The following USP33 variants were observed in gnomAD, a reference collection of about 807,000 sequenced individuals.
USP33 encodes ubiquitin carboxyl-terminal hydrolase 33.
Under a neutral mutation model 124.2 loss-of-function variants are expected in USP33, and 46 were observed. The ratio of observed to expected loss-of-function variants is 0.37; its 90% CI spans 0.29 to 0.47. USP33 has a LOEUF of 0.47. USP33 is among the 20% of genes least tolerant of loss of function. USP33 has a pLI of 0.99. For missense variants in USP33, 851 were observed against 1,070.6 expected (o/e 0.79, Z 2.86); for synonymous variants, 350 against 352.3 (o/e 0.99, Z 0.07).
chr1:77,702,141 C>CAAAAAA lies in USP33; in HGVS notation c.2407-676_2407-671dup, dbSNP rs58750531. On this transcript the variant is annotated intron_variant, in intron 21 of 23. Transcript: ENST00000370794. ...TGGGTGACAGAACAAGACCCTGTCT[C>CAAAAAA]AAAAAAAAAAAAAAAAAAAAAAAAA... Among the ~76,000 whole-genome samples the CAAAAAA allele has an allele frequency of 1.3e-3, 21 of 15,782 alleles. 2 individuals carry two copies. Among genetic ancestry groups the CAAAAAA allele is most frequent in the African/African-American group, 2.1e-3 (16 of 7,804 alleles). 10.4% of individuals were successfully genotyped at this position (15,782 alleles called of 152,430 possible). A position where few individuals can be genotyped will look rare whatever the true frequency, so the allele number is the denominator to read the frequency against.
At position 77,722,355 on chromosome 1, in the gene USP33, T is replaced by C. The variant is rs1291119776; in HGVS notation, c.1390-159A>G. On this transcript the variant is annotated intron_variant, in intron 12 of 23. Coordinates refer to ENST00000370794, the MANE Select transcript of USP33 (RefSeq NM_201624.3). ...AATTGAACTGCTTTCATAGTCATAA[T>C]AGCAAAAAAAAAAACAAAAACAAAA... The C allele has an allele frequency of 4.5e-6, 3 of 661,978 alleles. No homozygotes were observed. In the South Asian group the frequency reaches 6.8e-5, roughly 15 times the overall value. The allele number at this position is 661,978 out of a possible 1,614,324, so 41.0% of individuals were successfully genotyped here.
intron 1 of USP33, among the ~76,000 whole-genome samples, chr1:77,751,930 C>T (rs747785186): frequency 1.3e-5 from 2 of 151,962 alleles, no homozygotes; most frequent in African/African-American, 2.4e-5. Context: ...CCTCGTGATC[C>T]GCCCACCTCG....
intron 12 of USP33, among the ~76,000 whole-genome samples, chr1:77,722,913 A>G (rs558458920): frequency 1.3e-5 from 2 of 152,320 alleles, no homozygotes; most frequent in East Asian, 1.9e-4. Flanking sequence ...GTCCCATCCT[A>G]AACATGGAAA....
At chr1:77,744,284 C>T (rs555039771) in intron 1 of USP33, among the ~76,000 whole-genome samples, 2 of 152,064 alleles carry the variant, frequency 1.3e-5, no homozygotes, top group African/African-American at 2.4e-5. Flanking sequence ...AAATGACAGG[C>T]ATTCTAAGAA....
intron 23 of USP33, 73 bp from the exon 24 acceptor site, chr1:77,697,547 C>T: frequency 1.4e-6 from 2 of 1,475,298 alleles, no homozygotes; most frequent in Non-Finnish European, 1.8e-6. Context: ...ATAATGTACC[C>T]CCCAGCATGA....
intron 21 of USP33, among the ~76,000 whole-genome samples, chr1:77,706,490 T>C (rs1182550947): frequency 6.6e-6 from 1 of 152,238 alleles, no homozygotes; most frequent in Admixed American, 6.5e-5. Flanking sequence ...TGGATTTAGG[T>C]CTACCTTCCT....
intron 1 of USP33, among the ~76,000 whole-genome samples, chr1:77,758,274 G>A (rs1193967448): frequency 5.7e-5 from 8 of 139,452 alleles, no homozygotes; most frequent in African/African-American, 1.9e-4. Flanking sequence ...TCTGCCTCCC[G>A]GATTCACGCC....
intron 21 of USP33, 41 bp from the exon 22 acceptor site, chr1:77,701,512 T>C (rs1674015743): frequency 1.3e-6 from 2 of 1,513,050 alleles, no homozygotes; most frequent in African/African-American, 1.4e-5. Flanking sequence ...TATCTAAAAC[T>C]TGCTTTATGG....
At chr1:77,729,667 C>A (rs1474505548) in intron 9 of USP33, among the ~76,000 whole-genome samples, 193 bp downstream of exon 9, 1 of 151,002 alleles carries the variant, frequency 6.6e-6, no homozygotes, top group African/African-American at 2.4e-5. Flanking sequence ...CAAGACTCTG[C>A]CTCAAAAAAA....
chr1:77,754,085 A>G (rs941029189), intron 1 of USP33, among the ~76,000 whole-genome samples: 1 of 152,182 alleles, frequency 6.6e-6, no homozygotes, highest in Non-Finnish European at 1.5e-5. Context: ...GTTCAAATAC[A>G]GATGAACTTT....
At chr1:77,702,357 T>C (rs1164513711) in intron 21 of USP33, among the ~76,000 whole-genome samples, 1 of 152,100 alleles carries the variant, frequency 6.6e-6, no homozygotes, top group East Asian at 1.9e-4. Context: ...CACATATTTA[T>C]TAAAAATCTA....
At chr1:77,739,928 T>C (rs1280620304) in intron 4 of USP33, among the ~76,000 whole-genome samples, 3 of 152,196 alleles carry the variant, frequency 2.0e-5, no homozygotes, top group Admixed American at 6.5e-5. Flanking sequence ...ATTCTCCCAA[T>C]GGTGGTACAC....
chr1:77,747,727 G>A (rs1251299979), intron 1 of USP33, among the ~76,000 whole-genome samples: 1 of 152,130 alleles, frequency 6.6e-6, no homozygotes, highest in Admixed American at 6.6e-5. Context: ...ACCCTAGCTT[G>A]TATAACTAAA....
At chr1:77,721,714 G>T in intron 14 of USP33, 117 bp downstream of exon 14, 1 of 863,014 alleles carries the variant, frequency 1.2e-6, no homozygotes, top group Non-Finnish European at 1.8e-6. Context: ...GCCAATATGT[G>T]AATGTACTAT....
chr1:77,699,026 G>A (rs886272145), intron 22 of USP33, among the ~76,000 whole-genome samples: 1 of 151,978 alleles, frequency 6.6e-6, no homozygotes, highest in African/African-American at 2.4e-5. Flanking sequence ...ATCAAAAGTT[G>A]TAAAAGCAAC....
Position 77,711,868 on chromosome 1 carries a change from A to G in USP33, c.2298-13T>C, listed in dbSNP as rs753813067. 6.3e-7 allele frequency: 1 copy of G among 1,583,982 alleles called. No homozygotes were observed. Among genetic ancestry groups the G allele is most frequent in the South Asian group, 1.2e-5 (1 of 83,292 alleles). ...TCCTCCACCATACCTAAAGCATGAA[A>G]AATTTAAGAATTAATGTTCTAGGAA... On this transcript the variant is annotated splice_polypyrimidine_tract_variant and intron_variant, in intron 20 of 23. Coordinates refer to ENST00000370794, the MANE Select transcript of USP33 (RefSeq NM_201624.3).
At chr1:77,725,524 C>A in intron 11 of USP33, 98 bp downstream of exon 11, 1 of 1,441,400 alleles carries the variant, frequency 6.9e-7, no homozygotes, top group South Asian at 1.4e-5. Context: ...AAGATCAAAT[C>A]ATATTTCATA....
chr1:77,739,469 G>A (rs755532478), intron 4 of USP33, 52 bp from the exon 5 acceptor site: 1 of 1,487,622 alleles, frequency 6.7e-7, no homozygotes, highest in South Asian at 1.4e-5. Context: ...ACATATACTT[G>A]AAAAGACTTC....
chr1:77,739,036 C>G (rs1284047561), intron 5 of USP33, among the ~76,000 whole-genome samples: 1 of 152,040 alleles, frequency 6.6e-6, no homozygotes, highest in Non-Finnish European at 1.5e-5. Flanking sequence ...TTCATTAGGG[C>G]CTTTTCCATC....
Sources: allele counts gnomAD v4.1 joint callset (sites outside exome capture counted in the v4.1 genomes callset), GRCh38; gene constraint gnomAD v4.1.1; transcripts MANE v1.5; gene names NCBI Gene and HGNC (gene_info 2026-07-23, HGNC 2026-07-21).